Variants in ZFHX4 observed in about 807,000 individuals in gnomAD.
ZFHX4 encodes zinc finger homeobox protein 4.
In ZFHX4, 56 loss-of-function variants were observed where a neutral mutation model predicts 267.6. That is an observed-to-expected ratio of 0.21 (90% CI 0.17 to 0.26). The LOEUF (loss-of-function observed/expected upper bound fraction) is 0.26. ZFHX4 is among the 10% of genes least tolerant of loss of function. The pLI, the probability that ZFHX4 is intolerant of heterozygous loss-of-function variation, is 1.00. For synonymous variants in ZFHX4, 1,778 were observed against 1,665.6 expected (o/e 1.07, Z -1.64); for missense variants, 4,332 against 4,420.0 (o/e 0.98, Z 0.56).
chr8:76,858,412 T>C (rs1812785538), intron 10 of ZFHX4, among the ~76,000 whole-genome samples: 2 of 152,188 alleles, frequency 1.3e-5, no homozygotes, highest in African/African-American at 4.8e-5. Flanking sequence ...ATCTGCTGCT[T>C]TATTAAATCG....
chr8:76,764,429 C>A (rs1443762404), intron 3 of ZFHX4, among the ~76,000 whole-genome samples: 1 of 152,214 alleles, frequency 6.6e-6, no homozygotes, highest in East Asian at 1.9e-4. Context: ...ATAGAGAGAT[C>A]ATTTTCACCT....
chr8:76,842,627 C>A, intron 5 of ZFHX4, 28 bp from the exon 6 acceptor site: 1 of 1,526,902 alleles, frequency 6.5e-7, no homozygotes, highest in South Asian at 1.2e-5. Context: ...GTTTTCAGTT[C>A]TACTGATTGG....
At chr8:76,832,620 A>G (rs566262570) in intron 4 of ZFHX4, among the ~76,000 whole-genome samples, 115 of 152,264 alleles carry the variant, frequency 7.6e-4, no homozygotes, top group Non-Finnish European at 1.3e-3. Context: ...AATGGAATCA[A>G]CAGCAGGTGG....
chr8:76,779,871 G>A (rs572556648), intron 4 of ZFHX4, among the ~76,000 whole-genome samples: 1 of 152,122 alleles, frequency 6.6e-6, no homozygotes, highest in Admixed American at 6.6e-5. Context: ...GTTCCTTGAT[G>A]TTAATTAATC....
rs138838519 is a variant in ZFHX4 at position 76,834,175 on chromosome 8, C to T, written c.3394+769C>T. On this transcript the variant is annotated intron_variant, in intron 5 of 10. Coordinates refer to ENST00000651372, the MANE Select transcript of ZFHX4 (RefSeq NM_024721.5). ...GGTTGATTCCAAGTTTTGGCAATTA[C>T]GAATAAAACTACTATGAGCATCGGT... 747 of 443,602 alleles carry T rather than the reference C, an allele frequency of 1.7e-3. 4 individuals carry two copies. The highest frequency in any genetic ancestry group is 0.013 in the African/African-American group (665 of 49,482). The allele number at this position is 443,602 out of a possible 1,614,324, so 27.5% of individuals were successfully genotyped here.
intron 10 of ZFHX4, among the ~76,000 whole-genome samples, chr8:76,861,609 G>A (rs1812869113): frequency 6.6e-6 from 1 of 151,948 alleles, no homozygotes; most frequent in Admixed American, 6.6e-5. Context: ...TAAGGGTCAA[G>A]GAAGGAGTGA....
chr8:76,718,842 A>G (rs945247834), intron 3 of ZFHX4, among the ~76,000 whole-genome samples: 6 of 151,756 alleles, frequency 4.0e-5, no homozygotes, highest in Non-Finnish European at 5.9e-5. Flanking sequence ...TCCATGTACC[A>G]GGTCACTCTG....
chr8:76,795,666 C>T (rs889655943), intron 4 of ZFHX4, among the ~76,000 whole-genome samples: 3 of 151,614 alleles, frequency 2.0e-5, no homozygotes, highest in African/African-American at 7.3e-5. Flanking sequence ...CCTGCCTCAG[C>T]CTCCCAAGTA....
At chr8:76,849,202 T>G in intron 7 of ZFHX4, 74 bp downstream of exon 7, 1 of 1,453,172 alleles carries the variant, frequency 6.9e-7, no homozygotes, top group South Asian at 1.4e-5. Context: ...AAGCCCCAAA[T>G]GATTCCATGC....
At chr8:76,833,234 C>G (rs1432794522) in intron 4 of ZFHX4, 104 bp from the exon 5 acceptor site, 1 of 814,628 alleles carries the variant, frequency 1.2e-6, no homozygotes, top group Non-Finnish European at 2.0e-6. Flanking sequence ...TCACCTGATA[C>G]TTATCTCTCC....
intron 5 of ZFHX4, chr8:76,834,503 A>T (rs918740890): frequency 1.3e-5 from 2 of 158,804 alleles, no homozygotes; most frequent in African/African-American, 4.8e-5. Flanking sequence ...GGATTTTTTC[A>T]TACATGTAAT....
Position 76,855,445 on chromosome 8 carries a change from C to T in ZFHX4, c.8524C>T (p.Pro2842Ser), listed in dbSNP as rs376143664. Residue 2842 changes from proline to serine, a missense_variant, in exon 10 of 11, where the codon CCA becomes TCA. By Grantham distance (74) the Pro-to-Ser change is moderately conservative (BLOSUM62 -1). Around this residue, in one of 7 missense-constraint regions of ZFHX4, gnomAD observed 1,648 missense variants for 1,625.0 expected, o/e 1.01. Coordinates refer to ENST00000651372, the MANE Select transcript of ZFHX4 (RefSeq NM_024721.5). Reference protein sequence around the residue: ...DVKPALSPKEPKTLDTLPKPA... With the variant: ...DVKPALSPKESKTLDTLPKPA... Reference sequence around the variant, plus strand: ...GAAACCGGCTTTGTCTCCCAAAGAGCCAAAAACTCTGGATACTCTGCCAAA... The same window carrying T: ...GAAACCGGCTTTGTCTCCCAAAGAGTCAAAAACTCTGGATACTCTGCCAAA... The T allele has an allele frequency of 1.9e-6, 3 of 1,613,368 alleles. No homozygotes were observed. Among genetic ancestry groups the T allele is most frequent in the African/African-American group, 1.3e-5 (1 of 74,776 alleles).
Position 76,835,245 on chromosome 8 carries a change from A to ATATATATATATGTG in ZFHX4, c.3394+1850_3394+1851insGTGTATATATATAT, listed in dbSNP as rs1554572198. ...TATATATATATATATATATATGTAT[A>ATATATATATATGTG]TATATATATATATATTCATACATAT... On this transcript the variant is annotated intron_variant, in intron 5 of 10. Coordinates refer to ENST00000651372, the MANE Select transcript of ZFHX4 (RefSeq NM_024721.5). Among the ~76,000 whole-genome samples, 604 of 129,078 alleles carry ATATATATATATGTG rather than the reference A, an allele frequency of 4.7e-3. 9 individuals are homozygous for ATATATATATATGTG. Among genetic ancestry groups the ATATATATATATGTG allele is most frequent in the Middle Eastern group, 0.012 (3 of 256 alleles). 84.7% of individuals were successfully genotyped at this position (129,078 alleles called of 152,430 possible). A position where few individuals can be genotyped will look rare whatever the true frequency, so the allele number is the denominator to read the frequency against.
At chr8:76,850,478 T>G (rs1052223111) in intron 9 of ZFHX4, 116 bp downstream of exon 9, 1 of 850,396 alleles carries the variant, frequency 1.2e-6, no homozygotes, top group Non-Finnish European at 1.8e-6. Flanking sequence ...GGGAAAAATG[T>G]ATGCCATTTC....
At chr8:76,794,850 T>C (rs1810929979) in intron 4 of ZFHX4, among the ~76,000 whole-genome samples, 1 of 151,300 alleles carries the variant, frequency 6.6e-6, no homozygotes, top group Admixed American at 6.6e-5. Context: ...TGGATAGAGA[T>C]GGAGAAGGCG....
At chr8:76,813,274 G>A (rs1477659077) in intron 4 of ZFHX4, among the ~76,000 whole-genome samples, 1 of 152,018 alleles carries the variant, frequency 6.6e-6, no homozygotes, top group Non-Finnish European at 1.5e-5. Context: ...CTTTTCTAAA[G>A]GCACCTTTTT....
chr8:76,728,530 A>C (rs747542820), intron 3 of ZFHX4, among the ~76,000 whole-genome samples: 1 of 152,222 alleles, frequency 6.6e-6, no homozygotes, highest in East Asian at 1.9e-4. Context: ...AGTAAAAGGT[A>C]TAGTTAATCC....
chr8:76,861,993 A>G (rs984605242), intron 10 of ZFHX4, among the ~76,000 whole-genome samples: 2 of 152,026 alleles, frequency 1.3e-5, no homozygotes, highest in African/African-American at 4.8e-5. Context: ...TCAAGAATGA[A>G]TTACTGTCAG....
chr8:76,771,810 T>C (rs1208580498), intron 3 of ZFHX4, among the ~76,000 whole-genome samples: 3 of 152,082 alleles, frequency 2.0e-5, no homozygotes, highest in Admixed American at 2.0e-4. Context: ...AATGTAGAGA[T>C]GTTGATAGAT....
Sources: gnomAD v4.1 joint callset for allele counts (sites outside exome capture counted in the v4.1 genomes callset) on GRCh38, gnomAD v4.1.1 for gene constraint, gnomAD v4.1.1 regional missense constraint, MANE v1.5 for transcripts, NCBI Gene and HGNC (gene_info 2026-07-23, HGNC 2026-07-21) for gene names.